Variants in ABHD12 observed in about 807,000 individuals in gnomAD.
ABHD12 encodes the protein lysophosphatidylserine lipase ABHD12.
A neutral mutation model predicts 58.3 loss-of-function variants in ABHD12; 43 were observed. The ratio of observed to expected loss-of-function variants is 0.74; its 90% CI spans 0.58 to 0.95. The LOEUF (loss-of-function observed/expected upper bound fraction) is 0.95. ABHD12 is among the 40% of genes least tolerant of loss of function. ABHD12 has a pLI of 0.00. For missense variants in ABHD12, 539 were observed against 537.2 expected, an observed-to-expected ratio of 1.00 and a Z score of -0.03; for synonymous variants, 219 against 211.2, an observed-to-expected ratio of 1.04 and a Z score of -0.32.
At chr20:25,299,741 T>C (rs903768424), downstream of ABHD12, among the ~76,000 whole-genome samples, 1 of 152,076 alleles carries the variant, frequency 6.6e-6, no homozygotes, top group African/African-American at 2.4e-5. Context: ...ATCCCAACCC[T>C]GGGGCAGGTG....
intron 9 of ABHD12, 143 bp downstream of exon 9, chr20:25,307,823 G>T: frequency 2.8e-6 from 1 of 361,896 alleles, no homozygotes; most frequent in Non-Finnish European, 4.8e-6. Context: ...GCCAAAACTA[G>T]TATTAATTTT....
At chr20:25,359,507 T>C (rs991144009) in intron 1 of ABHD12, among the ~76,000 whole-genome samples, 3 of 151,894 alleles carry the variant, frequency 2.0e-5, no homozygotes, top group South Asian at 2.1e-4. Flanking sequence ...GCTGCTCTAA[T>C]CACTGTGGTT....
intron 1 of ABHD12, among the ~76,000 whole-genome samples, chr20:25,367,772 C>T (rs2089843509): frequency 6.6e-6 from 1 of 152,234 alleles, no homozygotes; most frequent in Admixed American, 6.5e-5. Flanking sequence ...AGATATACCA[C>T]ATTTTGCTTA....
At chr20:25,373,770 A>G (rs2089927644) in intron 1 of ABHD12, among the ~76,000 whole-genome samples, 1 of 152,006 alleles carries the variant, frequency 6.6e-6, no homozygotes, top group African/African-American at 2.4e-5. Flanking sequence ...GAGATTAATT[A>G]AGCTTCTTAG....
intron 4 of ABHD12, 49 bp from the exon 5 acceptor site, chr20:25,317,127 GCC>G: frequency 1.3e-6 from 2 of 1,490,512 alleles, no homozygotes; most frequent in Non-Finnish European, 1.9e-6. Context: ...TCAGAGTTGG[GCC>G]CCAGGTCAAC....
chr20:25,327,034 T>C (rs926698177), intron 2 of ABHD12, among the ~76,000 whole-genome samples: 1 of 152,214 alleles, frequency 6.6e-6, no homozygotes, highest in African/African-American at 2.4e-5. Context: ...ATGCCCAGAA[T>C]GTTGCAAAGT....
intron 2 of ABHD12, among the ~76,000 whole-genome samples, chr20:25,336,826 G>A (rs886941873): frequency 1.3e-5 from 2 of 152,162 alleles, no homozygotes; most frequent in Admixed American, 6.5e-5. Context: ...GATGAGGGTC[G>A]CTCATCATGG....
intron 1 of ABHD12, among the ~76,000 whole-genome samples, chr20:25,366,309 CTT>C (rs1175115413): frequency 6.6e-6 from 1 of 151,264 alleles, no homozygotes; most frequent in Non-Finnish European, 1.5e-5. Flanking sequence ...GAGTTTCACT[CTT>C]GTTGCCCAGG....
intron 12 of ABHD12, among the ~76,000 whole-genome samples, 178 bp downstream of exon 12, chr20:25,302,041 C>T (rs1260161019): frequency 1.3e-5 from 2 of 152,172 alleles, no homozygotes; most frequent in Non-Finnish European, 2.9e-5. Flanking sequence ...AGTCCTGGAG[C>T]AGGAGAGAGG....
chr20:25,306,983 A>C (rs2088755828), intron 9 of ABHD12, 68 bp from the exon 10 acceptor site: 2 of 1,166,090 alleles, frequency 1.7e-6, no homozygotes, highest in African/African-American at 1.5e-5. Flanking sequence ...TCAAGGGTGC[A>C]GACAGTTTAA....
At chr20:25,343,736 A>C (rs749597308) in intron 1 of ABHD12, among the ~76,000 whole-genome samples, 50 of 152,344 alleles carry the variant, frequency 3.3e-4, no homozygotes, top group Admixed American at 7.8e-4. Flanking sequence ...CGGAGGTTGC[A>C]GTGAGCTGAG....
chr20:25,309,454 C>T lies in ABHD12; in HGVS notation c.741G>A (p.Leu247=), dbSNP rs1432916040. The T allele has an allele frequency of 1.7e-5, 27 of 1,614,032 alleles. No homozygotes were observed. Among genetic ancestry groups the T allele is most frequent in the Non-Finnish European group, 2.3e-5 (27 of 1,180,026 alleles). ...CTGCTGGGGTCCCTTACCCAGTGCC[C>T]AGAGAGTGGCCCCAGATGTACACGG... The part of the protein sequence containing the change: ...DNPVYIWGHS[L]GTGVATNLVR... Residue 247 remains leucine, a synonymous_variant, in exon 7 of 13, where the codon CTG becomes CTA. Coordinates refer to ENST00000339157, the MANE Select transcript of ABHD12 (RefSeq NM_001042472.3).
chr20:25,360,287 C>G (rs1331304484), intron 1 of ABHD12, among the ~76,000 whole-genome samples: 2 of 130,196 alleles, frequency 1.5e-5, no homozygotes, highest in African/African-American at 5.8e-5. Flanking sequence ...GTCACCCAGC[C>G]TGGAGTGCAG....
At chr20:25,374,375 T>C (rs950357949) in intron 1 of ABHD12, among the ~76,000 whole-genome samples, 1 of 152,232 alleles carries the variant, frequency 6.6e-6, no homozygotes, top group African/African-American at 2.4e-5. Context: ...TTCCCTTCAG[T>C]GTAAACTTTA....
intron 10 of ABHD12, among the ~76,000 whole-genome samples, chr20:25,305,300 T>C (rs1322633806): frequency 6.6e-6 from 1 of 152,216 alleles, no homozygotes; most frequent in Non-Finnish European, 1.5e-5. Context: ...TGGGAAAAAA[T>C]ACTCCATTTT....
At chr20:25,333,916 C>T (rs2089319664) in intron 2 of ABHD12, among the ~76,000 whole-genome samples, 1 of 152,210 alleles carries the variant, frequency 6.6e-6, no homozygotes, top group Non-Finnish European at 1.5e-5. Context: ...GATGCCCTCT[C>T]TCACCACTCA....
chr20:25,299,397 C>CA (rs932245743), downstream of ABHD12, among the ~76,000 whole-genome samples: 11 of 150,080 alleles, frequency 7.3e-5, no homozygotes, highest in South Asian at 2.1e-4. Context: ...GAGACTGTCT[C>CA]AAAAAAACAA....
intron 1 of ABHD12, among the ~76,000 whole-genome samples, chr20:25,359,790 G>C (rs559858784): frequency 1.4e-4 from 21 of 152,160 alleles, no homozygotes; most frequent in African/African-American, 3.9e-4. Context: ...GACTGGTCTT[G>C]AACTCCTGGC....
chr20:25,384,562 T>C (rs1311351096), intron 1 of ABHD12, among the ~76,000 whole-genome samples: 1 of 151,864 alleles, frequency 6.6e-6, no homozygotes, highest in Non-Finnish European at 1.5e-5. Context: ...CTGGGCAACA[T>C]GGCAAAACTC....
Sources: allele counts gnomAD v4.1 joint callset (sites outside exome capture counted in the v4.1 genomes callset), GRCh38; gene constraint gnomAD v4.1.1; transcripts MANE v1.5; gene names NCBI Gene and HGNC (gene_info 2026-07-23, HGNC 2026-07-21).